The following TBC1D10B variants were observed in gnomAD, a reference collection of about 807,000 sequenced individuals.
TBC1D10B encodes the protein TBC1 domain family member 10B, also known as Rab27A-GAPbeta.
Under a neutral mutation model 78.4 loss-of-function variants are expected in TBC1D10B, and 25 were observed. The observed-to-expected ratio is 0.32, with a 90% CI of 0.23 to 0.45. The LOEUF is 0.45. Among genes scored for constraint, TBC1D10B ranks in the 20% least tolerant of loss-of-function variants. TBC1D10B has a pLI of 1.00. For synonymous variants in TBC1D10B, 517 were observed against 478.0 expected (o/e 1.08, Z -1.06); for missense variants, 996 against 1,104.8 (o/e 0.90, Z 1.40).
At position 30,365,598 on chromosome 16, in the gene TBC1D10B, C is replaced by G; in HGVS notation, c.957-4G>C. 6.2e-7 allele frequency: 1 copy of G among 1,613,824 alleles called. No homozygotes were observed. The highest frequency in any genetic ancestry group is 8.5e-7 in the Non-Finnish European group (1 of 1,179,850). ...GTCCACGGGAATGGAGCTCTCTCTG[C>G]AGGGTCGGGGGAGCACGGAAGGGGT... On this transcript the variant is annotated splice_polypyrimidine_tract_variant and splice_region_variant and intron_variant, in intron 1 of 8. Transcript: ENST00000409939. The surrounding 1 kb of genome is among the most constrained non-coding windows in gnomAD (Gnocchi z 5.0).
intron 6 of TBC1D10B, 68 bp from the exon 7 acceptor site, chr16:30,359,429 G>T (rs555307653): frequency 7.8e-6 from 12 of 1,545,416 alleles, no homozygotes; most frequent in South Asian, 6.0e-5. Flanking sequence ...AGAACTGGCC[G>T]GCCCTGTGGG....
At position 30,357,887 on chromosome 16, in the gene TBC1D10B, G is replaced by C; in HGVS notation, c.*57C>G. ...GCTAGGGGGTGGCACCTTGGGCCAG[G>C]CCTGTTCTTGGCTGAGGGAAAGAGG... On this transcript the variant is annotated 3_prime_UTR_variant, in exon 9 of 9. Coordinates refer to ENST00000409939, the MANE Select transcript of TBC1D10B (RefSeq NM_015527.4). The C allele has an allele frequency of 6.6e-7, 1 of 1,507,768 alleles. No homozygotes were observed. The highest frequency in any genetic ancestry group is 8.9e-7 in the Non-Finnish European group (1 of 1,127,770). The allele number at this position is 1,507,768 out of a possible 1,614,324, so 93.4% of individuals were successfully genotyped here.
At position 30,370,257 on chromosome 16, in the gene TBC1D10B, G is replaced by A. The variant is rs2049678860; in HGVS notation, c.-74C>T. The A allele has an allele frequency of 4.9e-6, 4 of 821,914 alleles. No individual in the cohort carries two copies. The highest frequency in any genetic ancestry group is 1.0e-4 in the Admixed American group (2 of 19,378). 50.9% of individuals were successfully genotyped at this position (821,914 alleles called of 1,614,324 possible). A position where few individuals can be genotyped will look rare whatever the true frequency, so the allele number is the denominator to read the frequency against. ...CGCCGCCCCTCGGGCCTCCCGGCGAGGCCAGCCGAGAAAGGGGAGAGGGCG... is the reference window on the plus strand; with the variant it reads ...CGCCGCCCCTCGGGCCTCCCGGCGAAGCCAGCCGAGAAAGGGGAGAGGGCG... On this transcript the variant is annotated 5_prime_UTR_variant, in exon 1 of 9. Coordinates refer to ENST00000409939, the MANE Select transcript of TBC1D10B (RefSeq NM_015527.4).
rs540920357 is a variant in TBC1D10B at position 30,370,227 on chromosome 16, G to A, written c.-44C>T. 17 of 1,043,942 alleles carry A rather than the reference G, an allele frequency of 1.6e-5. No homozygotes were observed. The highest frequency in any genetic ancestry group is 1.9e-5 in the Non-Finnish European group (16 of 843,952). The allele number at this position is 1,043,942 out of a possible 1,614,324, so 64.7% of individuals were successfully genotyped here. On this transcript the variant is annotated 5_prime_UTR_variant, in exon 1 of 9. Coordinates refer to ENST00000409939, the MANE Select transcript of TBC1D10B (RefSeq NM_015527.4). ...ACATCCCCCCGCCGGGGAGGCCGCA[G>A]AAGGCGCCGCCCCTCGGGCCTCCCG...
chr16:30,369,547 G>C lies in TBC1D10B; in HGVS notation c.637C>G (p.Pro213Ala). The C allele has an allele frequency of 6.5e-7, 1 of 1,544,704 alleles. No individual in the cohort carries two copies. Among genetic ancestry groups the C allele is most frequent in the Non-Finnish European group, 8.7e-7 (1 of 1,143,916 alleles). Residue 213 changes from proline to alanine, a missense_variant, in exon 1 of 9, where the codon CCC becomes GCC. Around this residue, in one of 5 missense-constraint regions of TBC1D10B, gnomAD observed 448 missense variants for 442.1 expected, o/e 1.01. Transcript: ENST00000409939. This position sits in a 1 kb window ranked among gnomAD's most constrained non-coding sequence, Gnocchi z 4.3. Reference sequence around the variant, plus strand: ...GAGGGGCCTGTGCCAGGGCCTGAGGGGTCCTCAGGAGCCTGTCCTGCTGAT... The same window carrying C: ...GAGGGGCCTGTGCCAGGGCCTGAGGCGTCCTCAGGAGCCTGTCCTGCTGAT... ...SASAGQAPED[P>A]SGPGTGPSGT...
In TBC1D10B at chr16:30,363,620, A is replaced by G. The variant is rs904896133; in HGVS notation, c.1271+1280T>C. Among the ~76,000 whole-genome samples the G allele has an allele frequency of 3.3e-5, 5 of 152,104 alleles. No homozygotes were observed. In the East Asian group the frequency reaches 9.6e-4, roughly 29 times the overall value. On this transcript the variant is annotated intron_variant, in intron 4 of 8. Coordinates refer to ENST00000409939, the MANE Select transcript of TBC1D10B (RefSeq NM_015527.4). ...AAAAACAAATAAAAGTAAAAATAAA[A>G]ATAACCTCCTCCTTAATGCTTACCA...
intron 4 of TBC1D10B, among the ~76,000 whole-genome samples, chr16:30,361,082 C>T (rs1049501681): frequency 1.3e-5 from 2 of 152,120 alleles, no homozygotes; most frequent in Non-Finnish European, 2.9e-5. Context: ...GTCAGGAGTT[C>T]GAGACCAGCC....
At position 30,369,015 on chromosome 16, in the gene TBC1D10B, G is replaced by A. The variant is rs956513982; in HGVS notation, c.956+213C>T. Among the ~76,000 whole-genome samples, 5 of 152,240 alleles carry A rather than the reference G, an allele frequency of 3.3e-5. No homozygotes were observed. Among genetic ancestry groups the A allele is most frequent in the Non-Finnish European group, 4.4e-5 (3 of 68,042 alleles). ...CCATCAAAGGCAAGGCTTAAACCCA[G>A]ACCTCTTGACCCCTGGTCTGAAACT... On this transcript the variant is annotated intron_variant, in intron 1 of 8. Transcript: ENST00000409939. This position sits in a 1 kb window ranked among gnomAD's most constrained non-coding sequence, Gnocchi z 4.3.
intron 8 of TBC1D10B, 23 bp from the exon 9 acceptor site, chr16:30,358,596 C>T (rs1389840062): frequency 6.3e-7 from 1 of 1,590,962 alleles, no homozygotes; most frequent in Non-Finnish European, 8.6e-7. Context: ...GAAATGCGTA[C>T]CAGAATGGAG....
At chr16:30,361,315 T>C (rs528197551) in intron 4 of TBC1D10B, among the ~76,000 whole-genome samples, 3 of 152,270 alleles carry the variant, frequency 2.0e-5, no homozygotes, top group Admixed American at 6.5e-5. Context: ...AAAGTCTCTT[T>C]ACCCCTCTCT....
rs373727515 is a variant in TBC1D10B at position 30,358,328 on chromosome 16, G to T, written c.2043C>A (p.Pro681=). ...RAAGGAPSPP[P]PVRRASAGPA... ...GCCCAGCACTGGCTCTGCGGACGGG[G>T]GGCGGCGGGGACGGGGCCCCTCCAG... The change falls in exon 9 of 9, where the codon CCC becomes CCA. Residue 681 remains proline (P), a synonymous_variant. Coordinates refer to ENST00000409939, the MANE Select transcript of TBC1D10B (RefSeq NM_015527.4). The T allele has an allele frequency of 1.1e-4, 172 of 1,567,786 alleles. 1 individual carries two copies. The African/African-American group carries it at 2.0e-3, about 18-fold the overall frequency.
chr16:30,364,874 T>G (rs1009588078), intron 4 of TBC1D10B, 26 bp downstream of exon 4: 1 of 1,577,416 alleles, frequency 6.3e-7, no homozygotes, highest in Admixed American at 1.8e-5. Flanking sequence ...GTTTGCTGAC[T>G]GACCCCCATG....
Position 30,369,294 on chromosome 16 carries a change from T to C in TBC1D10B, c.890A>G (p.Asn297Ser). 1 of 1,590,332 alleles carries C rather than the reference T, an allele frequency of 6.3e-7. No individual in the cohort carries two copies. Among genetic ancestry groups the C allele is most frequent in the South Asian group, 1.1e-5 (1 of 87,398 alleles). The stretch of plus-strand genomic sequence containing the variant: ...GTCCGTCTTGCGCAGGGCCAGCCCG[T>C]TTATCTCTGAATCTGAGCCCATGGA... ...VSSMGSDSEI[N>S]GLALRKTDKY... Residue 297 changes from asparagine (N) to serine (S), a missense_variant, in exon 1 of 9, where the codon AAC becomes AGC. By Grantham distance (46) the Asn-to-Ser change is conservative. Transcript: ENST00000409939. The surrounding 1 kb of genome is among the most constrained non-coding windows in gnomAD (Gnocchi z 4.3).
At position 30,369,841 on chromosome 16, in the gene TBC1D10B, C is replaced by T; in HGVS notation, c.343G>A (p.Ala115Thr). The T allele has an allele frequency of 7.1e-7, 1 of 1,409,358 alleles. No individual in the cohort carries two copies. The highest frequency in any genetic ancestry group is 9.2e-7 in the Non-Finnish European group (1 of 1,083,900). 87.3% of individuals were successfully genotyped at this position (1,409,358 alleles called of 1,614,324 possible). Residue 115 changes from alanine (A) to threonine (T), a missense_variant, in exon 1 of 9, where the codon GCG becomes ACG. Around this residue, in one of 5 missense-constraint regions of TBC1D10B, gnomAD observed 448 missense variants for 442.1 expected, o/e 1.01. Coordinates refer to ENST00000409939, the MANE Select transcript of TBC1D10B (RefSeq NM_015527.4). The surrounding 1 kb of genome is among the most constrained non-coding windows in gnomAD (Gnocchi z 4.3). ...LPSGPESPEP[A>T]AVAGVETSRA... is the part of the protein sequence containing the mutation. ...GATGTCTCAACTCCAGCCACTGCCG[C>T]GGGCTCTGGGGATTCCGGGCCGGAG...
intron 4 of TBC1D10B, among the ~76,000 whole-genome samples, chr16:30,361,909 C>T (rs1343410788): frequency 3.3e-5 from 5 of 151,224 alleles, no homozygotes; most frequent in South Asian, 4.2e-4. Flanking sequence ...TGCAGTGGCG[C>T]GATCTCGGCT....
chr16:30,369,837 G>A lies in TBC1D10B; in HGVS notation c.347C>T (p.Ala116Val). The A allele has an allele frequency of 2.1e-6, 3 of 1,411,700 alleles. No individual in the cohort carries two copies. The highest frequency in any genetic ancestry group is 2.8e-6 in the Non-Finnish European group (3 of 1,085,086). 87.4% of individuals were successfully genotyped at this position (1,411,700 alleles called of 1,614,324 possible). ...CCTCGATGTCTCAACTCCAGCCACT[G>A]CCGCGGGCTCTGGGGATTCCGGGCC... ...PSGPESPEPAAVAGVETSRAL... is the reference protein window; with the variant it reads ...PSGPESPEPAVVAGVETSRAL... Residue 116 changes from alanine to valine, a missense_variant, in exon 1 of 9, where the codon GCA (alanine) becomes GTA (valine). Coordinates refer to ENST00000409939, the MANE Select transcript of TBC1D10B (RefSeq NM_015527.4). This position sits in a 1 kb window ranked among gnomAD's most constrained non-coding sequence, Gnocchi z 4.3.
At position 30,369,359 on chromosome 16, in the gene TBC1D10B, G is replaced by C; in HGVS notation, c.825C>G (p.Leu275=). 6.3e-7 allele frequency: 1 copy of C among 1,596,762 alleles called. No individual in the cohort carries two copies. Among genetic ancestry groups the C allele is most frequent in the Non-Finnish European group, 8.5e-7 (1 of 1,171,854 alleles). Residue 275 remains leucine, a synonymous_variant, in exon 1 of 9, where the codon CTC becomes CTG. Coordinates refer to ENST00000409939, the MANE Select transcript of TBC1D10B (RefSeq NM_015527.4). This position sits in a 1 kb window ranked among gnomAD's most constrained non-coding sequence, Gnocchi z 4.3. ...CCAAGGACTCCAAGGTCCCAGACAT[G>C]AGGCTCACGGAGTCCAAGTAACTCA... ...DTLSYLDSVS[L]MSGTLESLAD...
Position 30,365,436 on chromosome 16 carries a change from G to A in TBC1D10B, c.1056+59C>T, listed in dbSNP as rs1340435481. On this transcript the variant is annotated intron_variant, in intron 2 of 8. Coordinates refer to ENST00000409939, the MANE Select transcript of TBC1D10B (RefSeq NM_015527.4). The surrounding 1 kb of genome is among the most constrained non-coding windows in gnomAD (Gnocchi z 5.0). ...ATTATCGGCTTCCTGGGCTTCCCTG[G>A]AGCACATGCTACCCCTCCCAACTTG... The A allele has an allele frequency of 1.3e-6, 2 of 1,584,224 alleles. No individual in the cohort carries two copies. Among genetic ancestry groups the A allele is most frequent in the African/African-American group, 1.3e-5 (1 of 74,290 alleles).
chr16:30,370,189 C>G lies in TBC1D10B; in HGVS notation c.-6G>C, dbSNP rs1016538505. Reference sequence around the variant, plus strand: ...GGCGCCGTGCCCGTCTCCATGGCCGCGGGCCGCCCCTCACATCCCCCCGCC... The same window carrying G: ...GGCGCCGTGCCCGTCTCCATGGCCGGGGGCCGCCCCTCACATCCCCCCGCC... On this transcript the variant is annotated 5_prime_UTR_variant, in exon 1 of 9. Transcript: ENST00000409939. 1 of 1,155,802 alleles carries G rather than the reference C, an allele frequency of 8.7e-7. No homozygotes were observed. The highest frequency in any genetic ancestry group is 4.7e-5 in the Admixed American group (1 of 21,258). 71.6% of individuals were successfully genotyped at this position (1,155,802 alleles called of 1,614,324 possible). A position where few individuals can be genotyped will look rare whatever the true frequency, so the allele number is the denominator to read the frequency against.
Sources: allele counts gnomAD v4.1 joint callset (sites outside exome capture counted in the v4.1 genomes callset), GRCh38; gene constraint gnomAD v4.1.1; regional missense constraint gnomAD v4.1.1; non-coding constraint Gnocchi (gnomAD v3.1); transcripts MANE v1.5; gene names NCBI Gene and HGNC (gene_info 2026-07-23, HGNC 2026-07-21).